The following DOCK8 variants were observed in gnomAD, a reference collection of about 807,000 sequenced individuals.
DOCK8 encodes the protein dedicator of cytokinesis 8.
In DOCK8, 141 loss-of-function variants were observed where a neutral mutation model predicts 245.6. The ratio of observed to expected loss-of-function variants is 0.57; its 90% CI spans 0.50 to 0.66. The LOEUF (loss-of-function observed/expected upper bound fraction) is 0.66, where lower values mean the gene tolerates loss of function less well. Among genes scored for constraint, DOCK8 ranks in the 30% least tolerant of loss-of-function variants. The pLI, the probability that DOCK8 is intolerant of heterozygous loss-of-function variation, is 0.00. For missense variants in DOCK8, 2,965 were observed against 2,603.4 expected (o/e 1.14, Z -3.02); for synonymous variants, 1,168 against 970.2 (o/e 1.20, Z -3.79).
chr9:346,979 C>G (rs767194858), intron 14 of DOCK8, among the ~76,000 whole-genome samples: 33 of 152,212 alleles, frequency 2.2e-4, no homozygotes, highest in Non-Finnish European at 3.8e-4. Context: ...CCAGTTTAAG[C>G]CCAGTTAGCT....
chr9:305,385 C>A (rs942362263), intron 5 of DOCK8, among the ~76,000 whole-genome samples: 1 of 151,690 alleles, frequency 6.6e-6, no homozygotes, highest in African/African-American at 2.4e-5. Context: ...CGGGTTCACG[C>A]CATTCTGCTG....
rs772696245 is a variant in DOCK8, at chr9:215,156, C to T, written c.53+127C>T. 2.4e-4 allele frequency: 364 copies of T among 1,491,286 alleles called. 1 individual carries two copies. Among genetic ancestry groups the T allele is most frequent in the Non-Finnish European group, 3.1e-4 (348 of 1,128,556 alleles). 92.4% of individuals were successfully genotyped at this position (1,491,286 alleles called of 1,614,324 possible). On this transcript the variant is annotated intron_variant, in intron 1 of 47. Coordinates refer to ENST00000432829, the MANE Select transcript of DOCK8 (RefSeq NM_203447.4). ...GTCCGCGGCGGGGCGCGCCTGAGACCTGGGGCGCCCGGTTCCCGAGGCTGC... is the reference window on the plus strand; with the variant it reads ...GTCCGCGGCGGGGCGCGCCTGAGACTTGGGGCGCCCGGTTCCCGAGGCTGC...
intron 21 of DOCK8, chr9:381,126 A>ACACC (rs1357098961): frequency 4.6e-5 from 7 of 152,012 alleles, no homozygotes; most frequent in Non-Finnish European, 1.0e-4. Context: ...AAACAAACAA[A>ACACC]CACCCTAAAA....
rs527244581 is a variant in DOCK8, at chr9:459,898, C to T, written c.6069-3619C>T. On this transcript the variant is annotated intron_variant, in intron 46 of 47. Transcript: ENST00000432829. ...GTACAGAACGAGAGAGAGACAGAGG[C>T]CATATTACCTTTTATTAGCCAGTCA... 5 of 152,316 alleles carry T rather than the reference C, an allele frequency of 3.3e-5. No homozygotes were observed. In the East Asian group the frequency reaches 7.7e-4, roughly 23 times the overall value. 9.4% of individuals were successfully genotyped at this position (152,316 alleles called of 1,614,324 possible). A position where few individuals can be genotyped will look rare whatever the true frequency, so the allele number is the denominator to read the frequency against.
rs1203437423 is a variant in DOCK8 at position 428,145 on chromosome 9, G to T, written c.4339-217G>T. Among the ~76,000 whole-genome samples the T allele has an allele frequency of 2.6e-5, 4 of 152,278 alleles. 1 individual carries two copies. The highest frequency in any genetic ancestry group is 9.6e-5 in the African/African-American group (4 of 41,544). On this transcript the variant is annotated intron_variant, in intron 34 of 47. Transcript: ENST00000432829. ...CCTTCATTTAGGAACCCAGAATTAG[G>T]TATAAATCCCAAACTCATTGGAAGC... is the stretch of plus-strand genomic sequence containing the variant.
At chr9:341,736 A>G (rs2130934854) in intron 14 of DOCK8, among the ~76,000 whole-genome samples, 1 of 152,322 alleles carries the variant, frequency 6.6e-6, no homozygotes, top group Middle Eastern at 3.4e-3. Context: ...GCCATAGACC[A>G]TTACTGGTCC....
intron 2 of DOCK8, among the ~76,000 whole-genome samples, chr9:281,519 T>G (rs1315159872): frequency 6.6e-6 from 1 of 152,138 alleles, no homozygotes; most frequent in East Asian, 1.9e-4. Flanking sequence ...AAATTCCTCA[T>G]TCCCTACCCG....
chr9:342,567 T>G (rs2051661924), intron 14 of DOCK8, among the ~76,000 whole-genome samples: 1 of 152,054 alleles, frequency 6.6e-6, no homozygotes, highest in East Asian at 1.9e-4. Context: ...CCTCACAGGT[T>G]CAAACGATTC....
At position 364,641 on chromosome 9, in the gene DOCK8, G is replaced by GAAA. The variant is rs34033459; in HGVS notation, c.1680-3361_1680-3359dup. Among the ~76,000 whole-genome samples, 84 of 84,504 alleles carry GAAA rather than the reference G, an allele frequency of 9.9e-4. 1 individual carries two copies. The highest frequency in any genetic ancestry group is 3.3e-3 in the African/African-American group (77 of 22,986). 55.4% of individuals were successfully genotyped at this position (84,504 alleles called of 152,430 possible). A position where few individuals can be genotyped will look rare whatever the true frequency, so the allele number is the denominator to read the frequency against. On this transcript the variant is annotated intron_variant, in intron 14 of 47. Coordinates refer to ENST00000432829, the MANE Select transcript of DOCK8 (RefSeq NM_203447.4). ...AGAGTGAGATCCTGTCTCAAAAATT[G>GAAA]AAAAAAAAAAAAAAAAAAGGTTTAA...
chr9:375,925 AG>A (rs2053496249), intron 18 of DOCK8, among the ~76,000 whole-genome samples: 1 of 152,196 alleles, frequency 6.6e-6, no homozygotes, highest in Non-Finnish European at 1.5e-5. Context: ...TGAGCCCAGG[AG>A]GTCGAGGCTG....
intron 5 of DOCK8, among the ~76,000 whole-genome samples, chr9:305,012 A>G (rs376554931): frequency 6.6e-6 from 1 of 152,282 alleles, no homozygotes; most frequent in South Asian, 2.1e-4. Context: ...CCCTAAGGCA[A>G]ACTACAGAGT....
At chr9:382,412 G>T in intron 21 of DOCK8, 101 bp from the exon 22 acceptor site, 1 of 1,524,298 alleles carries the variant, frequency 6.6e-7, no homozygotes, top group Non-Finnish European at 9.0e-7. Context: ...GCCTAATCCG[G>T]TGGCTTTTCA....
At position 418,133 on chromosome 9, in the gene DOCK8, A is replaced by C; in HGVS notation, c.3766A>C (p.Asn1256His). Residue 1256 changes from asparagine (N) to histidine (H), a missense_variant, in exon 30 of 48, where the codon AAC becomes CAC. Coordinates refer to ENST00000432829, the MANE Select transcript of DOCK8 (RefSeq NM_203447.4). Reference protein sequence around the residue: ...DEEQEGAGAINQNVALAIAGN... With the variant: ...DEEQEGAGAIHQNVALAIAGN... ...AGAACAAGAAGGAGCCGGTGCCATT[A>C]ACCAGAATGTGGCTCTGGCCATAGC... The C allele has an allele frequency of 6.2e-7, 1 of 1,614,226 alleles. No homozygotes were observed. The highest frequency in any genetic ancestry group is 8.5e-7 in the Non-Finnish European group (1 of 1,180,034).
chr9:432,070 TGAG>T, intron 36 of DOCK8, 93 bp from the exon 37 acceptor site: 1 of 1,265,210 alleles, frequency 7.9e-7, no homozygotes. Flanking sequence ...AAGGAAACAC[TGAG>T]GAGTTGTTTG....
chr9:226,120 T>G, intron 1 of DOCK8, among the ~76,000 whole-genome samples: 1 of 152,220 alleles, frequency 6.6e-6, no homozygotes, highest in East Asian at 1.9e-4. Flanking sequence ...AAAGGTTTAA[T>G]GGACTTACAG....
intron 1 of DOCK8, among the ~76,000 whole-genome samples, chr9:247,773 G>T (rs758504946): frequency 6.6e-6 from 1 of 151,928 alleles, no homozygotes; most frequent in Non-Finnish European, 1.5e-5. Flanking sequence ...TCCTGACCTC[G>T]TGATCCACCC....
At chr9:253,785 T>C (rs973421943) in intron 1 of DOCK8, among the ~76,000 whole-genome samples, 4 of 152,174 alleles carry the variant, frequency 2.6e-5, no homozygotes, top group Non-Finnish European at 4.4e-5. Flanking sequence ...TTTTTTCCCC[T>C]AAAATCTTAT....
chr9:386,252 T>A (rs1378945042), intron 22 of DOCK8, 79 bp from the exon 23 acceptor site: 7 of 1,216,356 alleles, frequency 5.8e-6, no homozygotes, highest in Non-Finnish European at 3.6e-6. Flanking sequence ...AAAAATGAAT[T>A]CTGAGGTTGT....
chr9:396,293 G>C (rs10973952), intron 24 of DOCK8, among the ~76,000 whole-genome samples: 1 of 151,976 alleles, frequency 6.6e-6, no homozygotes, highest in Non-Finnish European at 1.5e-5. Context: ...GTGCTCCCTC[G>C]AGAAACACTG....
Sources: allele counts gnomAD v4.1 joint callset (sites outside exome capture counted in the v4.1 genomes callset), GRCh38; gene constraint gnomAD v4.1.1; transcripts MANE v1.5; gene names NCBI Gene and HGNC (gene_info 2026-07-23, HGNC 2026-07-21).